The following STX8 variants were observed in gnomAD, a reference collection of about 807,000 sequenced individuals.
The protein encoded by STX8 is syntaxin 8.
A neutral mutation model predicts 37.5 loss-of-function variants in STX8; 23 were observed. The ratio of observed to expected loss-of-function variants is 0.61; its 90% CI spans 0.44 to 0.87. STX8 has a LOEUF of 0.87. Ranked by LOEUF, STX8 falls within the 40% of genes least tolerant of loss-of-function variation. The probability of loss-of-function intolerance (pLI) is 0.00; values close to 1 mark genes in which losing one functional copy is unlikely to be tolerated. For missense variants in STX8, 313 were observed against 284.7 expected (o/e 1.10, Z -0.71); for synonymous variants, 115 against 99.1 (o/e 1.16, Z -0.95).
chr17:9,476,480 T>C (rs1906108941), intron 6 of STX8, among the ~76,000 whole-genome samples: 1 of 150,282 alleles, frequency 6.7e-6, no homozygotes, highest in Non-Finnish European at 1.5e-5. Context: ...TGAGATAGAG[T>C]CTCGTTCTGT....
At position 9,267,193 on chromosome 17, in the gene STX8, C is replaced by T. The variant is rs566559650; in HGVS notation, c.644-16548G>A. Among the ~76,000 whole-genome samples, 4 of 152,332 alleles carry T rather than the reference C, an allele frequency of 2.6e-5. No homozygotes were observed. The South Asian group carries it at 8.3e-4, about 32-fold the overall frequency. On this transcript the variant is annotated intron_variant, in intron 7 of 7. Transcript: ENST00000306357. ...GACTGCACGTGTTCAGACCATGGCACTGTCATTTGAGTAAGGGACCCAATC... is the reference window on the plus strand; with the variant it reads ...GACTGCACGTGTTCAGACCATGGCATTGTCATTTGAGTAAGGGACCCAATC...
At position 9,306,595 on chromosome 17, in the gene STX8, C is replaced by CAAAAAAAAAAAA. The variant is rs71135963; in HGVS notation, c.644-55962_644-55951dup. Among the ~76,000 whole-genome samples, 8 of 69,874 alleles carry CAAAAAAAAAAAA rather than the reference C, an allele frequency of 1.1e-4. No individual in the cohort carries two copies. The East Asian group carries it at 1.7e-3, about 15-fold the overall frequency. The allele number at this position is 69,874 out of a possible 152,430, so 45.8% of individuals were successfully genotyped here. A position where few individuals can be genotyped will look rare whatever the true frequency, so the allele number is the denominator to read the frequency against. On this transcript the variant is annotated intron_variant, in intron 7 of 7. Coordinates refer to ENST00000306357, the MANE Select transcript of STX8 (RefSeq NM_004853.3). ...TGAAAACCCGTCTCTACTAAAAATA[C>CAAAAAAAAAAAA]AAAAAAAAAAAAAAAAAAAAATAGC...
chr17:9,504,932 C>G (rs753234121), intron 5 of STX8, 106 bp downstream of exon 5: 51 of 1,213,440 alleles, frequency 4.2e-5, no homozygotes, highest in Non-Finnish European at 5.1e-5. Flanking sequence ...CAAGATCACG[C>G]CACTGCACTC....
intron 7 of STX8, among the ~76,000 whole-genome samples, chr17:9,310,430 T>G (rs1041130585): frequency 2.0e-5 from 3 of 152,190 alleles, no homozygotes; most frequent in African/African-American, 7.2e-5. Context: ...ATAAATAGAC[T>G]ATTCACTACC....
At chr17:9,289,914 A>T (rs1567770117) in intron 7 of STX8, among the ~76,000 whole-genome samples, 1 of 152,254 alleles carries the variant, frequency 6.6e-6, no homozygotes, top group Non-Finnish European at 1.5e-5. Context: ...TGATATGGTC[A>T]AAATGAAAAC....
intron 5 of STX8, among the ~76,000 whole-genome samples, chr17:9,501,414 C>G (rs575685008): frequency 6.6e-6 from 1 of 152,106 alleles, no homozygotes; most frequent in African/African-American, 2.4e-5. Context: ...TAGGCCCATA[C>G]GCGCAGCAGC....
intron 6 of STX8, chr17:9,467,047 C>G (rs202233882): frequency 6.6e-6 from 1 of 152,064 alleles, no homozygotes; most frequent in Non-Finnish European, 1.5e-5. Context: ...CCTGTCACCA[C>G]GCCCGGCTAA....
chr17:9,441,273 C>T lies in STX8; in HGVS notation c.541+50556G>A, dbSNP rs376812586. Reference sequence around the variant, plus strand: ...TTGGGAGGCCAAGGCGGGCGGATCACGAGGTTGGGAGATCAAAACCATCCT... The same window carrying T: ...TTGGGAGGCCAAGGCGGGCGGATCATGAGGTTGGGAGATCAAAACCATCCT... On this transcript the variant is annotated intron_variant, in intron 6 of 7. Coordinates refer to ENST00000306357, the MANE Select transcript of STX8 (RefSeq NM_004853.3). Among the ~76,000 whole-genome samples, 23 of 151,964 alleles carry T rather than the reference C, an allele frequency of 1.5e-4. No homozygotes were observed. In the East Asian group the frequency reaches 2.2e-3, roughly 14 times the overall value.
intron 6 of STX8, among the ~76,000 whole-genome samples, chr17:9,462,065 G>A (rs1003042402): frequency 2.0e-5 from 3 of 152,144 alleles, no homozygotes; most frequent in African/African-American, 4.8e-5. Context: ...GTTGCCCGCC[G>A]CTCACCTCCT....
intron 7 of STX8, among the ~76,000 whole-genome samples, chr17:9,260,215 C>T (rs894342934): frequency 5.3e-5 from 8 of 152,048 alleles, no homozygotes; most frequent in Non-Finnish European, 8.8e-5. Flanking sequence ...CCCAGCTACT[C>T]GGGAGGCTGT....
chr17:9,533,654 G>A (rs1006113878), intron 4 of STX8, among the ~76,000 whole-genome samples: 23 of 152,110 alleles, frequency 1.5e-4, no homozygotes, highest in African/African-American at 5.3e-4. Context: ...CTAACTCTCT[G>A]GGATTTCAAT....
At chr17:9,396,738 A>G (rs1912418570) in intron 6 of STX8, among the ~76,000 whole-genome samples, 2 of 151,864 alleles carry the variant, frequency 1.3e-5, no homozygotes, top group Admixed American at 6.6e-5. Context: ...ACAACTCTAT[A>G]TGATACTGTA....
intron 4 of STX8, among the ~76,000 whole-genome samples, chr17:9,537,575 C>CTCAT (rs4063412): frequency 3.9e-5 from 6 of 152,114 alleles, no homozygotes; most frequent in African/African-American, 1.4e-4. Flanking sequence ...CACGTCCTGG[C>CTCAT]TCAATCTTTC....
chr17:9,460,117 T>TC (rs1905314806), intron 6 of STX8, among the ~76,000 whole-genome samples: 1 of 152,164 alleles, frequency 6.6e-6, no homozygotes, highest in Admixed American at 6.5e-5. Context: ...TAGCAAAGTC[T>TC]CCTTCTTTTG....
At chr17:9,280,577 A>C (rs1907848035) in intron 7 of STX8, among the ~76,000 whole-genome samples, 2 of 152,168 alleles carry the variant, frequency 1.3e-5, no homozygotes, top group Admixed American at 1.3e-4. Context: ...AATTTTAAAA[A>C]CTAATGAACA....
At chr17:9,383,481 G>C (rs868129305) in intron 6 of STX8, among the ~76,000 whole-genome samples, 1 of 152,174 alleles carries the variant, frequency 6.6e-6, no homozygotes, top group African/African-American at 2.4e-5. Flanking sequence ...TTCAGCCTGA[G>C]GAAGGCTATC....
chr17:9,336,581 G>A (rs1910147958), intron 7 of STX8, among the ~76,000 whole-genome samples: 1 of 152,030 alleles, frequency 6.6e-6, no homozygotes, highest in East Asian at 1.9e-4. Context: ...GACTGCAGGC[G>A]CCCGCCAACA....
At chr17:9,345,588 T>C (rs1421057034) in intron 7 of STX8, among the ~76,000 whole-genome samples, 1 of 152,070 alleles carries the variant, frequency 6.6e-6, no homozygotes, top group Non-Finnish European at 1.5e-5. Flanking sequence ...TATTTTTAGA[T>C]GACAAAGAAT....
chr17:9,431,901 G>C (rs1913998801), intron 6 of STX8, among the ~76,000 whole-genome samples: 1 of 151,954 alleles, frequency 6.6e-6, no homozygotes, highest in African/African-American at 2.4e-5. Context: ...CAACATTTTG[G>C]TTCATAAAAC....
Sources: gnomAD v4.1 joint callset for allele counts (sites outside exome capture counted in the v4.1 genomes callset) on GRCh38, gnomAD v4.1.1 for gene constraint, MANE v1.5 for transcripts, NCBI Gene and HGNC (gene_info 2026-07-23, HGNC 2026-07-21) for gene names.